Variants in USP47 observed in about 807,000 individuals in gnomAD.
The protein encoded by USP47 is ubiquitin carboxyl-terminal hydrolase 47.
In USP47, 35 loss-of-function variants were observed where a neutral mutation model predicts 165.1. That is an observed-to-expected ratio of 0.21 (90% confidence interval 0.16 to 0.28). The LOEUF (loss-of-function observed/expected upper bound fraction) is 0.28. Among genes scored for constraint, USP47 ranks in the 10% least tolerant of loss-of-function variants. The pLI is 1.00. For missense variants in USP47, 1,277 were observed against 1,607.4 expected (o/e 0.79, Z 3.52); for synonymous variants, 531 against 544.5 (o/e 0.98, Z 0.35).
chr11:11,929,674 T>G, intron 12 of USP47, 109 bp downstream of exon 12: 4 of 1,407,220 alleles, frequency 2.8e-6, no homozygotes, highest in Non-Finnish European at 3.8e-6. Flanking sequence ...TGATACATCT[T>G]AAGACCCATA....
chr11:11,890,736 A>G (rs571518746), intron 3 of USP47, among the ~76,000 whole-genome samples: 1 of 152,302 alleles, frequency 6.6e-6, no homozygotes, highest in Non-Finnish European at 1.5e-5. Context: ...CACTATTCAC[A>G]ATAATAAAGA....
intron 3 of USP47, among the ~76,000 whole-genome samples, chr11:11,888,804 T>C (rs1434537480): frequency 1.3e-5 from 2 of 152,122 alleles, no homozygotes; most frequent in Non-Finnish European, 2.9e-5. Flanking sequence ...AAATCCTTAA[T>C]AAAATACTGG....
chr11:11,864,730 A>G (rs1432064299), intron 1 of USP47, among the ~76,000 whole-genome samples: 2 of 150,876 alleles, frequency 1.3e-5, no homozygotes, highest in Non-Finnish European at 3.0e-5. Flanking sequence ...TGTGTATATC[A>G]TATTTATACA....
At chr11:11,934,069 C>G (rs895882952) in intron 16 of USP47, 134 bp downstream of exon 16, 2 of 643,950 alleles carry the variant, frequency 3.1e-6, no homozygotes, top group African/African-American at 1.9e-5. Context: ...TATCTCTTAC[C>G]GAGTATATTT....
Position 11,940,490 on chromosome 11 carries a change from G to A in USP47, c.2255G>A (p.Arg752His), listed in dbSNP as rs572208026. 33 of 1,611,800 alleles carry A rather than the reference G, an allele frequency of 2.0e-5. No homozygotes were observed. The highest frequency in any genetic ancestry group is 8.8e-5 in the South Asian group (8 of 90,970). The stretch of plus-strand genomic sequence containing the variant: ...CTGGAACGCTGCTACAATGATTTGC[G>A]TCTTCTCAGTGTCTCCAGTAAAACC... ...IVLERCYNDL[R>H]LLSVSSKTLK... The change falls in exon 19 of 28, where the codon CGT becomes CAT. Residue 752 changes from arginine to histidine, a missense_variant. Physicochemically the swap from Arg to His is conservative, Grantham distance 29 (BLOSUM62 0). Around this residue, in one of 4 missense-constraint regions of USP47, gnomAD observed 909 missense variants for 1,068.1 expected, o/e 0.85. Coordinates refer to ENST00000527733, the MANE Select transcript of USP47 (RefSeq NM_001282659.2).
intron 1 of USP47, among the ~76,000 whole-genome samples, chr11:11,848,887 G>A (rs1021009486): frequency 2.0e-5 from 3 of 152,150 alleles, no homozygotes; most frequent in Non-Finnish European, 2.9e-5. Context: ...GGGATTACAG[G>A]CGTGAGCCAC....
In USP47 at chr11:11,902,841, T is replaced by C. The variant is rs747554519; in HGVS notation, c.720T>C (p.Phe240=). 3 of 1,595,844 alleles carry C rather than the reference T, an allele frequency of 1.9e-6. No homozygotes were observed. Among genetic ancestry groups the C allele is most frequent in the East Asian group, 4.5e-5 (2 of 44,232 alleles). ...AIETTDVTRS[F]GWDSSEAWQQ... ...AAACCACAGATGTTACAAGGAGCTT[T>C]GGATGGGATAGTAGTGAGGGTACTA... is the stretch of plus-strand genomic sequence containing the variant. Residue 240 remains phenylalanine, a synonymous_variant, in exon 6 of 28, where the codon TTT becomes TTC. Transcript: ENST00000527733.
chr11:11,940,445 C>A lies in USP47; in HGVS notation c.2210C>A (p.Ala737Asp). Residue 737 changes from alanine to aspartate, a missense_variant, in exon 19 of 28, where the codon GCT becomes GAT. Coordinates refer to ENST00000527733, the MANE Select transcript of USP47 (RefSeq NM_001282659.2). ...QLISKAIHLP[A>D]ETMRIVLERC... ...TCATTATAGGCCATCCATTTACCTGCTGAAACAATGAGAATAGTGCTGGAA... is the reference window on the plus strand; with the variant it reads ...TCATTATAGGCCATCCATTTACCTGATGAAACAATGAGAATAGTGCTGGAA... 5.0e-6 allele frequency: 8 copies of A among 1,609,518 alleles called. No homozygotes were observed. Among genetic ancestry groups the A allele is most frequent in the Non-Finnish European group, 5.9e-6 (7 of 1,177,318 alleles).
At chr11:11,905,606 G>A in intron 8 of USP47, 58 bp downstream of exon 8, 1 of 1,483,276 alleles carries the variant, frequency 6.7e-7, no homozygotes, top group Non-Finnish European at 9.1e-7. Flanking sequence ...TAATAGCACA[G>A]TGGTATAATC....
intron 3 of USP47, among the ~76,000 whole-genome samples, chr11:11,888,313 C>G (rs1320671124): frequency 6.6e-6 from 1 of 151,950 alleles, no homozygotes; most frequent in African/African-American, 2.4e-5. Context: ...AATAGATAAA[C>G]TGCTAGTTAG....
intron 1 of USP47, among the ~76,000 whole-genome samples, chr11:11,873,363 A>G (rs1402672262): frequency 1.3e-5 from 2 of 152,130 alleles, no homozygotes; most frequent in South Asian, 2.1e-4. Flanking sequence ...AGAAGGAGAT[A>G]TATATTAAAA....
At chr11:11,880,438 A>G (rs998563470) in intron 2 of USP47, 58 bp downstream of exon 2, 1 of 1,197,488 alleles carries the variant, frequency 8.4e-7, no homozygotes, top group Non-Finnish European at 1.1e-6. Flanking sequence ...TGTTGTTGTT[A>G]CTGATGATAA....
At chr11:11,881,821 C>T (rs1850852003) in intron 2 of USP47, among the ~76,000 whole-genome samples, 1 of 152,086 alleles carries the variant, frequency 6.6e-6, no homozygotes, top group Non-Finnish European at 1.5e-5. Flanking sequence ...TTCATGAGGG[C>T]TCCATCCTTG....
At chr11:11,911,936 A>G (rs1276552880) in intron 8 of USP47, among the ~76,000 whole-genome samples, 1 of 152,138 alleles carries the variant, frequency 6.6e-6, no homozygotes, top group South Asian at 2.1e-4. Context: ...GCAGACAGGA[A>G]TATCACAAAA....
At chr11:11,938,155 TG>T in intron 17 of USP47, 101 bp from the exon 18 acceptor site, 1 of 927,334 alleles carries the variant, frequency 1.1e-6, no homozygotes. Flanking sequence ...CTTGGAAGTT[TG>T]GATTTGTCAC....
At chr11:11,881,561 A>T (rs148899245) in intron 2 of USP47, among the ~76,000 whole-genome samples, 318 of 152,000 alleles carry the variant, frequency 2.1e-3, no homozygotes, top group Middle Eastern at 0.01. Context: ...TTATTTTTCC[A>T]TAGATCTGAT....
At position 11,864,374 on chromosome 11, in the gene USP47, C is replaced by G. The variant is rs565604489; in HGVS notation, c.40-15803C>G. Among the ~76,000 whole-genome samples the G allele has an allele frequency of 8.5e-5, 13 of 152,168 alleles. No homozygotes were observed. In the South Asian group the frequency reaches 2.7e-3, roughly 32 times the overall value. ...ATTTATTTTTTTAAATTGTAAAATACACATAACATAACATTTACTGTCTTA... is the reference window on the plus strand; with the variant it reads ...ATTTATTTTTTTAAATTGTAAAATAGACATAACATAACATTTACTGTCTTA... On this transcript the variant is annotated intron_variant, in intron 1 of 27. Coordinates refer to ENST00000527733, the MANE Select transcript of USP47 (RefSeq NM_001282659.2).
chr11:11,942,761 G>C lies in USP47; in HGVS notation c.2740G>C (p.Asp914His). Residue 914 changes from aspartate (D) to histidine (H), a missense_variant, in exon 20 of 28, where the codon GAT (aspartate) becomes CAT (histidine). Asp to His is a moderately conservative substitution (Grantham distance 81). Coordinates refer to ENST00000527733, the MANE Select transcript of USP47 (RefSeq NM_001282659.2). ...RELEQHIQTS[D>H]PENFQSEERS... ...ACTTGAACAGCATATTCAGACTTCTGATCCAGAAAATTTTCAGTCTGAAGA... is the reference window on the plus strand; with the variant it reads ...ACTTGAACAGCATATTCAGACTTCTCATCCAGAAAATTTTCAGTCTGAAGA... 1 of 1,613,548 alleles carries C rather than the reference G, an allele frequency of 6.2e-7. No homozygotes were observed. The highest frequency in any genetic ancestry group is 8.5e-7 in the Non-Finnish European group (1 of 1,179,706).
intron 8 of USP47, among the ~76,000 whole-genome samples, chr11:11,906,396 G>A (rs886121301): frequency 3.3e-5 from 5 of 152,128 alleles, no homozygotes; most frequent in African/African-American, 9.7e-5. Flanking sequence ...ATGGTGGCTT[G>A]TAGCTAAAAA....
Sources: allele counts gnomAD v4.1 joint callset (sites outside exome capture counted in the v4.1 genomes callset), GRCh38; gene constraint gnomAD v4.1.1; regional missense constraint gnomAD v4.1.1; transcripts MANE v1.5; gene names NCBI Gene and HGNC (gene_info 2026-07-23, HGNC 2026-07-21).